Variants in PRSS27 observed in about 807,000 individuals in gnomAD.
PRSS27 encodes the protein serine protease 27, also known as channel-activating protease 2.
PRSS27 carries 25 observed loss-of-function variants against 32.0 expected under a neutral mutation model. The observed-to-expected ratio is 0.78, with a 90% CI of 0.57 to 1.09. The LOEUF (loss-of-function observed/expected upper bound fraction) is 1.09, where lower values mean the gene tolerates loss of function less well. PRSS27 is among the 50% of genes least tolerant of loss of function. PRSS27 has a pLI of 0.00. For synonymous variants in PRSS27, 178 were observed against 172.2 expected, an observed-to-expected ratio of 1.03 and a Z score of -0.26; for missense variants, 401 against 394.9, an observed-to-expected ratio of 1.02 and a Z score of -0.13.
rs538493534 is a variant in PRSS27, at chr16:2,713,341, A to G, written c.678+188T>C. ...TCTCCATCTCCTGACCTTGTGATCC[A>G]CCCTCCTTGGCCTCCCAAAGTGCTG... On this transcript the variant is annotated intron_variant, in intron 5 of 5. Coordinates refer to ENST00000302641, the MANE Select transcript of PRSS27 (RefSeq NM_031948.5). 6.6e-4 allele frequency: 427 copies of G among 645,624 alleles called. 1 individual carries two copies. Among genetic ancestry groups the G allele is most frequent in the Middle Eastern group, 2.4e-3 (9 of 3,678 alleles). The allele number at this position is 645,624 out of a possible 1,614,324, so 40.0% of individuals were successfully genotyped here.
rs2067687599 is a variant in PRSS27 at position 2,714,379 on chromosome 16, G to A, written c.237-43C>T. 1.2e-6 allele frequency: 2 copies of A among 1,601,118 alleles called. No homozygotes were observed. Among genetic ancestry groups the A allele is most frequent in the Non-Finnish European group, 8.5e-7 (1 of 1,178,048 alleles). The stretch of plus-strand genomic sequence containing the variant: ...GAGGCGGCGTGAGGCGGCCCCTCGT[G>A]TGGGGACAGGCCCGGGAGGGGCTGG... On this transcript the variant is annotated intron_variant, in intron 3 of 5. Transcript: ENST00000302641. The surrounding 1 kb of genome is among the most constrained non-coding windows in gnomAD (Gnocchi z 4.7).
Position 2,716,920 on chromosome 16 carries a change from G to A in PRSS27, c.47-394C>T, listed in dbSNP as rs1024066375. Reference sequence around the variant, plus strand: ...CCAGCCTCCAGCCCTGGCACTGTAAGGTTGGCCTTTCCTCCCGGAACAGCT... The same window carrying A: ...CCAGCCTCCAGCCCTGGCACTGTAAAGTTGGCCTTTCCTCCCGGAACAGCT... On this transcript the variant is annotated intron_variant, in intron 1 of 5. Coordinates refer to ENST00000302641, the MANE Select transcript of PRSS27 (RefSeq NM_031948.5). 12 of 253,888 alleles carry A rather than the reference G, an allele frequency of 4.7e-5. No homozygotes were observed. The Admixed American group carries it at 5.4e-4, about 12-fold the overall frequency. The allele number at this position is 253,888 out of a possible 1,614,324, so 15.7% of individuals were successfully genotyped here.
chr16:2,712,731 G>T lies in PRSS27; in HGVS notation c.762C>A (p.Ala254=). The T allele has an allele frequency of 6.3e-7, 1 of 1,589,594 alleles. No individual in the cohort carries two copies. Among genetic ancestry groups the T allele is most frequent in the Non-Finnish European group, 8.6e-7 (1 of 1,168,050 alleles). The change falls in exon 6 of 6, where the codon GCC becomes GCA. Residue 254 remains alanine, a synonymous_variant. Coordinates refer to ENST00000302641, the MANE Select transcript of PRSS27 (RefSeq NM_031948.5). This position sits in a 1 kb window ranked among gnomAD's most constrained non-coding sequence, Gnocchi z 4.6. The part of the protein sequence containing the change: ...AGVISWGEGC[A]RQNRPGVYIR... ...TGTAGACACCTGGGCGGTTCTGGCG[G>T]GCACAGCCCTCACCCCAGCTGATCA...
In PRSS27 at chr16:2,712,490, G is replaced by T; in HGVS notation, c.*130C>A. On this transcript the variant is annotated 3_prime_UTR_variant, in exon 6 of 6. Coordinates refer to ENST00000302641, the MANE Select transcript of PRSS27 (RefSeq NM_031948.5). The surrounding 1 kb of genome is among the most constrained non-coding windows in gnomAD (Gnocchi z 4.6). ...TAAGGGTATTTGAGAGGGGAGGAAG[G>T]AGCGCTATTTACAAATGAGTCTGGT... is the stretch of plus-strand genomic sequence containing the variant. 1.4e-6 allele frequency: 1 copy of T among 706,692 alleles called. No homozygotes were observed. The highest frequency in any genetic ancestry group is 2.3e-6 in the Non-Finnish European group (1 of 437,414). The allele number at this position is 706,692 out of a possible 1,614,324, so 43.8% of individuals were successfully genotyped here. A position where few individuals can be genotyped will look rare whatever the true frequency, so the allele number is the denominator to read the frequency against.
At chr16:2,716,646 C>T (rs992586666) in intron 1 of PRSS27, 120 bp from the exon 2 acceptor site, 7 of 997,818 alleles carry the variant, frequency 7.0e-6, no homozygotes, top group Admixed American at 4.1e-5. Context: ...GGACAGTCCA[C>T]AGAGGGACCT....
At chr16:2,715,470 G>C (rs1175541083) in intron 3 of PRSS27, 60 of 485,326 alleles carry the variant, frequency 1.2e-4, no homozygotes, top group Non-Finnish European at 1.9e-4. Flanking sequence ...GGGTGAGTGG[G>C]TGGAGGGGAT....
chr16:2,720,170 C>A lies in PRSS27; in HGVS notation c.-10G>T, dbSNP rs1301662998. 2 of 1,593,302 alleles carry A rather than the reference C, an allele frequency of 1.3e-6. No homozygotes were observed. Among genetic ancestry groups the A allele is most frequent in the Non-Finnish European group, 1.7e-6 (2 of 1,170,252 alleles). On this transcript the variant is annotated 5_prime_UTR_variant, in exon 1 of 6. Transcript: ENST00000302641. ...CCGCCGGCCGCCTCATGTCCTCAGG[C>A]CTGGCTGGGGCGCAGGGCCGTGGTC...
intron 1 of PRSS27, chr16:2,718,334 T>C (rs1288216491): frequency 6.6e-6 from 1 of 151,038 alleles, no homozygotes; most frequent in Non-Finnish European, 1.5e-5. Flanking sequence ...TTTTTTTTTT[T>C]TAAGATGGAG....
intron 5 of PRSS27, chr16:2,713,284 G>C (rs2067676361): frequency 2.0e-6 from 1 of 512,198 alleles, no homozygotes; most frequent in Non-Finnish European, 3.6e-6. Flanking sequence ...ATTTTTAGTA[G>C]AGATGGGGTT....
At position 2,715,898 on chromosome 16, in the gene PRSS27, G is replaced by A; in HGVS notation, c.74-18C>T. The A allele has an allele frequency of 6.5e-7, 1 of 1,539,286 alleles. No individual in the cohort carries two copies. Among genetic ancestry groups the A allele is most frequent in the Non-Finnish European group, 8.8e-7 (1 of 1,141,184 alleles). ...ACCACAGGCTGGGGGAGCATGGGGAGCGGGTGGGGGCGCTCACTGGGGCTG... is the reference window on the plus strand; with the variant it reads ...ACCACAGGCTGGGGGAGCATGGGGAACGGGTGGGGGCGCTCACTGGGGCTG... On this transcript the variant is annotated intron_variant, in intron 2 of 5. Transcript: ENST00000302641.
intron 2 of PRSS27, 178 bp downstream of exon 2, chr16:2,716,322 C>T: frequency 1.5e-6 from 1 of 659,504 alleles, no homozygotes; most frequent in Non-Finnish European, 2.7e-6. Flanking sequence ...CCGTCCTGCT[C>T]TTGTGTGGAC....
chr16:2,716,927 C>G (rs970030592), intron 1 of PRSS27: 15 of 244,546 alleles, frequency 6.1e-5, no homozygotes, highest in African/African-American at 3.2e-4. Context: ...TAAGGTTGGC[C>G]TTTCCTCCCG....
At position 2,720,138 on chromosome 16, in the gene PRSS27, G is replaced by A. The variant is rs377291124; in HGVS notation, c.23C>T (p.Pro8Leu). 14 of 1,602,612 alleles carry A rather than the reference G, an allele frequency of 8.7e-6. No homozygotes were observed. The African/African-American group carries it at 1.5e-4, about 17-fold the overall frequency. The change falls in exon 1 of 6, where the codon CCG becomes CTG. Residue 8 changes from proline (P) to leucine (L), a missense_variant. Physicochemically the swap from Pro to Leu is moderately conservative, Grantham distance 98 (BLOSUM62 -3). Transcript: ENST00000302641. ...ACCAAAACACAGCAGCAGCAGGAGC[G>A]GCACCGCCGCCGGCCGCCTCATGTC... is the stretch of plus-strand genomic sequence containing the variant. MRRPAAV[P>L]LLLLLCFGSQ... is the part of the protein sequence containing the mutation.
chr16:2,712,870 T>C lies in PRSS27; in HGVS notation c.679-56A>G, dbSNP rs966314949. 37 of 1,367,542 alleles carry C rather than the reference T, an allele frequency of 2.7e-5. No individual in the cohort carries two copies. The highest frequency in any genetic ancestry group is 2.6e-4 in the Middle Eastern group (1 of 3,840). The allele number at this position is 1,367,542 out of a possible 1,614,324, so 84.7% of individuals were successfully genotyped here. A position where few individuals can be genotyped will look rare whatever the true frequency, so the allele number is the denominator to read the frequency against. On this transcript the variant is annotated intron_variant, in intron 5 of 5. Coordinates refer to ENST00000302641, the MANE Select transcript of PRSS27 (RefSeq NM_031948.5). This position sits in a 1 kb window ranked among gnomAD's most constrained non-coding sequence, Gnocchi z 4.6. ...CCACCTTGAGTTCCCAGAGACTCAG[T>C]TGCAGCCGCACAGGAGGTGTGTAGC...
rs766719685 is a variant in PRSS27, at chr16:2,712,613, G to A, written c.*7C>T. The stretch of plus-strand genomic sequence containing the variant: ...CTCTGCTCAAGGGGCTCCTGGCCCC[G>A]GGGGTCTCACTTCTGGCCGCCCAAC... On this transcript the variant is annotated 3_prime_UTR_variant, in exon 6 of 6. Transcript: ENST00000302641. The surrounding 1 kb of genome is among the most constrained non-coding windows in gnomAD (Gnocchi z 4.6). The A allele has an allele frequency of 3.6e-5, 56 of 1,572,544 alleles. No homozygotes were observed. Among genetic ancestry groups the A allele is most frequent in the East Asian group, 1.9e-4 (8 of 42,554 alleles).
At position 2,712,695 on chromosome 16, in the gene PRSS27, G is replaced by A. The variant is rs566068441; in HGVS notation, c.798C>T (p.Thr266=). 21 of 1,598,218 alleles carry A rather than the reference G, an allele frequency of 1.3e-5. No homozygotes were observed. The highest frequency in any genetic ancestry group is 7.9e-5 in the South Asian group (7 of 88,450). The stretch of plus-strand genomic sequence containing the variant: ...TCCGATGGATCCAGTTGTGGTGGGC[G>A]GTGACACGGATGTAGACACCTGGGC... The part of the protein sequence containing the change: ...QNRPGVYIRV[T]AHHNWIHRII... Residue 266 remains threonine, a synonymous_variant, in exon 6 of 6, where the codon ACC becomes ACT. Coordinates refer to ENST00000302641, the MANE Select transcript of PRSS27 (RefSeq NM_031948.5). The surrounding 1 kb of genome is among the most constrained non-coding windows in gnomAD (Gnocchi z 4.6).
rs2067672909 is a variant in PRSS27, at chr16:2,712,992, C to G, written c.679-178G>C. 1 of 582,574 alleles carries G rather than the reference C, an allele frequency of 1.7e-6. No individual in the cohort carries two copies. The highest frequency in any genetic ancestry group is 2.3e-5 in the South Asian group (1 of 43,128). The allele number at this position is 582,574 out of a possible 1,614,324, so 36.1% of individuals were successfully genotyped here. A position where few individuals can be genotyped will look rare whatever the true frequency, so the allele number is the denominator to read the frequency against. ...TCTAAAGTGCCTATTCTTTAGTGTC[C>G]CCAGATCAACTAGGGTGTGTGTGTG... On this transcript the variant is annotated intron_variant, in intron 5 of 5. Coordinates refer to ENST00000302641, the MANE Select transcript of PRSS27 (RefSeq NM_031948.5). This position sits in a 1 kb window ranked among gnomAD's most constrained non-coding sequence, Gnocchi z 4.6.
chr16:2,715,692 G>A (rs1293765114), intron 3 of PRSS27, 26 bp downstream of exon 3: 57 of 1,545,804 alleles, frequency 3.7e-5, no homozygotes, highest in Non-Finnish European at 4.5e-5. Flanking sequence ...AGCGCTATGG[G>A]CGGGGGCAGG....
intron 4 of PRSS27, 63 bp from the exon 5 acceptor site, chr16:2,713,761 G>T: frequency 6.4e-7 from 1 of 1,556,386 alleles, no homozygotes; most frequent in South Asian, 1.1e-5. Context: ...CACGGCCCCG[G>T]GAACCACCAC....
Sources: allele counts gnomAD v4.1 joint callset, GRCh38; gene constraint gnomAD v4.1.1; non-coding constraint Gnocchi (gnomAD v3.1); transcripts MANE v1.5; gene names NCBI Gene and HGNC (gene_info 2026-07-23, HGNC 2026-07-21).